Variants in PDXDC1 observed in about 807,000 individuals in gnomAD.
PDXDC1 encodes the protein pyridoxal dependent decarboxylase domain containing 1.
Under a neutral mutation model 100.1 loss-of-function variants are expected in PDXDC1, and 42 were observed. The observed-to-expected ratio is 0.42, with a 90% confidence interval of 0.33 to 0.54. The LOEUF (loss-of-function observed/expected upper bound fraction) is 0.54. PDXDC1 is among the 20% of genes least tolerant of loss of function. The pLI is 0.10. For missense variants in PDXDC1, 636 were observed against 979.2 expected (o/e 0.65, Z 4.68); for synonymous variants, 260 against 371.7 (o/e 0.70, Z 3.46).
At chr16:14,984,497 T>TATATATATATATATATATA (rs1221650484) in intron 1 of PDXDC1, among the ~76,000 whole-genome samples, 7 of 36,964 alleles carry the variant, frequency 1.9e-4, no homozygotes, top group South Asian at 2.2e-3. Context: ...ATATATATAT[T>TATATATATATATATATATA]TTTTTTTTTT....
At chr16:15,033,052 T>C (rs2043162489) in intron 18 of PDXDC1, 73 bp downstream of exon 18, 1 of 1,077,760 alleles carries the variant, frequency 9.3e-7, no homozygotes. Flanking sequence ...AGACGACGGC[T>C]CATCCCTTAG....
intron 16 of PDXDC1, chr16:15,063,243 C>T (rs757361237): frequency 6.2e-7 from 1 of 1,613,696 alleles, no homozygotes; most frequent in Admixed American, 1.7e-5. Context: ...GCACTCATGT[C>T]TTCCCACACC....
rs573790338 is a variant in PDXDC1, at chr16:15,104,279, T to C, written c.1400-34600T>C. 5.6e-5 allele frequency: 80 copies of C among 1,421,826 alleles called. No individual in the cohort carries two copies. The East Asian group carries it at 6.7e-4, about 12-fold the overall frequency. 88.1% of individuals were successfully genotyped at this position (1,421,826 alleles called of 1,614,324 possible). ...GTCCCTCAGGCAATCATACCAGATA[T>C]TGAAACAAAGCAATAACATAAGGAC... On this transcript the variant is annotated intron_variant, in intron 16 of 16. Coordinates refer to the PDXDC1 transcript ENST00000535621.
At chr16:15,061,950 T>A (rs868289941) in intron 16 of PDXDC1, 3 of 1,551,378 alleles carry the variant, frequency 1.9e-6, no homozygotes, top group Middle Eastern at 3.4e-4. Context: ...CAGTGCTGAC[T>A]GAAAAGCTTT....
Position 15,033,305 on chromosome 16 carries a change from G to A in PDXDC1, c.1718G>A (p.Cys573Tyr). Residue 573 changes from cysteine (C) to tyrosine (Y), a missense_variant, in exon 19 of 23, where the codon TGC becomes TAC. This residue lies in a region of PDXDC1 where 452 missense variants were observed against 402.9 expected (regional missense o/e 1.12). Transcript: ENST00000396410. ...CCTGAGTATAAGAGCATGAAGAGCTGCCTTTATGTCGGCATGGCGAGCGAC... is the reference window on the plus strand; with the variant it reads ...CCTGAGTATAAGAGCATGAAGAGCTACCTTTATGTCGGCATGGCGAGCGAC... The part of the protein sequence containing the change: ...IGPEYKSMKS[C>Y]LYVGMASDNV... 2 of 1,614,194 alleles carry A rather than the reference G, an allele frequency of 1.2e-6. No homozygotes were observed. The highest frequency in any genetic ancestry group is 1.7e-6 in the Non-Finnish European group (2 of 1,180,024).
At chr16:15,004,543 G>A (rs532915946) in intron 5 of PDXDC1, among the ~76,000 whole-genome samples, 2 of 152,414 alleles carry the variant, frequency 1.3e-5, no homozygotes, top group East Asian at 1.9e-4. Flanking sequence ...TGAGCTAATG[G>A]ACTAATACAT....
intron 16 of PDXDC1, among the ~76,000 whole-genome samples, chr16:15,098,524 AT>A (rs993104410): frequency 6.6e-6 from 1 of 151,866 alleles, no homozygotes; most frequent in African/African-American, 2.4e-5. Flanking sequence ...CTATTTAGAA[AT>A]TGTTCATCTG....
chr16:15,018,047 C>T (rs2041925003), intron 11 of PDXDC1, among the ~76,000 whole-genome samples: 1 of 152,086 alleles, frequency 6.6e-6, no homozygotes, highest in African/African-American at 2.4e-5. Context: ...CTCGGCCTCC[C>T]AAAGTGCTGG....
rs770584971 is a variant in PDXDC1, at chr16:15,035,456, G to A, written c.2010G>A (p.Leu670=). 1 of 1,604,850 alleles carries A rather than the reference G, an allele frequency of 6.2e-7. No homozygotes were observed. Among genetic ancestry groups the A allele is most frequent in the Non-Finnish European group, 8.5e-7 (1 of 1,175,118 alleles). Reference sequence around the variant, plus strand: ...CCCTCTCCTCTCCCGCAGGCTCTCTGGAGTCCACAGAACCCATATATGTCT... The same window carrying A: ...CCCTCTCCTCTCCCGCAGGCTCTCTAGAGTCCACAGAACCCATATATGTCT... ...GRTFNLTAGS[L]ESTEPIYVYK... is the part of the protein sequence containing the mutation. Residue 670 remains leucine, a synonymous_variant, in exon 22 of 23, where the codon CTG becomes CTA. Coordinates refer to ENST00000396410, the MANE Select transcript of PDXDC1 (RefSeq NM_015027.4).
chr16:15,140,493 G>A (rs1333169549), downstream of PDXDC1, among the ~76,000 whole-genome samples: 3 of 151,236 alleles, frequency 2.0e-5, no homozygotes, highest in East Asian at 1.9e-4. Flanking sequence ...GCGAGAGGGA[G>A]GGAGGAAAGA....
chr16:15,057,331 G>C (rs1335496701), intron 16 of PDXDC1, among the ~76,000 whole-genome samples: 1 of 152,116 alleles, frequency 6.6e-6, no homozygotes, highest in Non-Finnish European at 1.5e-5. Context: ...TTTCTCATTT[G>C]TCCTTACAAA....
intron 16 of PDXDC1, among the ~76,000 whole-genome samples, chr16:15,098,097 C>T (rs1362717236): frequency 1.3e-5 from 2 of 150,878 alleles, no homozygotes; most frequent in Admixed American, 1.3e-4. Context: ...TGTATCATGT[C>T]CTGATGTATG....
Position 15,074,811 on chromosome 16 carries a change from G to A in PDXDC1, c.1399+44755G>A, listed in dbSNP as rs201577339. 1.1e-4 allele frequency: 182 copies of A among 1,613,984 alleles called. 3 individuals are homozygous for A. In the East Asian group the frequency reaches 3.3e-3, roughly 29 times the overall value. On this transcript the variant is annotated intron_variant, in intron 16 of 16. Transcript: ENST00000535621. ...CGGCTACAGGATGCACCATCTGGTC[G>A]AGCCGTTCAGGACCAGCCTTTGTTT...
intron 16 of PDXDC1, chr16:15,104,684 T>C (rs1447918286): frequency 6.3e-7 from 1 of 1,597,488 alleles, no homozygotes; most frequent in African/African-American, 1.3e-5. Flanking sequence ...TCCTGTTTTT[T>C]AAAGTTTCAG....
chr16:15,146,954 G>T, the PDXDC1 span, among the ~76,000 whole-genome samples: 2 of 152,126 alleles, frequency 1.3e-5, no homozygotes, highest in African/African-American at 2.4e-5. Context: ...CACCAGAAGT[G>T]GAGGCGCTGG....
rs1196045030 is a variant in PDXDC1, at chr16:15,036,552, A to G, written c.*277A>G. ...TTCACAAAAAACACTTCGAATTTCAAGTGTCTACCAGTAGCACCCTTGCTC... is the reference window on the plus strand; with the variant it reads ...TTCACAAAAAACACTTCGAATTTCAGGTGTCTACCAGTAGCACCCTTGCTC... On this transcript the variant is annotated 3_prime_UTR_variant, in exon 23 of 23. Coordinates refer to ENST00000396410, the MANE Select transcript of PDXDC1 (RefSeq NM_015027.4). 4.2e-6 allele frequency: 2 copies of G among 479,334 alleles called. No homozygotes were observed. The highest frequency in any genetic ancestry group is 7.4e-6 in the Non-Finnish European group (2 of 270,036). 29.7% of individuals were successfully genotyped at this position (479,334 alleles called of 1,614,324 possible).
At chr16:15,111,910 A>G (rs1283419236) in intron 16 of PDXDC1, among the ~76,000 whole-genome samples, 2 of 149,518 alleles carry the variant, frequency 1.3e-5, no homozygotes, top group African/African-American at 4.9e-5. Flanking sequence ...AATTACCTTC[A>G]GCTCTCTGAG....
chr16:15,124,141 A>G (rs1405431330), intron 16 of PDXDC1, among the ~76,000 whole-genome samples: 1 of 152,188 alleles, frequency 6.6e-6, no homozygotes, highest in Non-Finnish European at 1.5e-5. Context: ...GTTTGCCCAC[A>G]ATACCCAGAG....
chr16:15,078,324 C>T (rs981593784), intron 16 of PDXDC1, among the ~76,000 whole-genome samples: 14 of 152,244 alleles, frequency 9.2e-5, no homozygotes, highest in African/African-American at 2.2e-4. Flanking sequence ...AACCTGCTCA[C>T]GTCTCTCCAC....
Sources: allele counts gnomAD v4.1 joint callset (sites outside exome capture counted in the v4.1 genomes callset), GRCh38; gene constraint gnomAD v4.1.1; regional missense constraint gnomAD v4.1.1; transcripts MANE v1.5; gene names NCBI Gene and HGNC (gene_info 2026-07-23, HGNC 2026-07-21).